The following PTPN5 variants were observed in gnomAD, a reference collection of about 807,000 sequenced individuals.
PTPN5 encodes the protein tyrosine-protein phosphatase non-receptor type 5.
A neutral mutation model predicts 73.9 loss-of-function variants in PTPN5; 29 were observed. The observed-to-expected ratio is 0.39, with a 90% CI of 0.29 to 0.54. PTPN5 has a LOEUF of 0.54. Among genes scored for constraint, PTPN5 ranks in the 20% least tolerant of loss-of-function variants. The pLI is 0.65. For synonymous variants in PTPN5, 267 were observed against 304.7 expected (o/e 0.88, Z 1.29); for missense variants, 652 against 751.4 (o/e 0.87, Z 1.55).
intron 3 of PTPN5, among the ~76,000 whole-genome samples, chr11:18,748,307 G>A (rs1000721784): frequency 3.3e-5 from 5 of 152,160 alleles, no homozygotes; most frequent in Non-Finnish European, 5.9e-5. Context: ...GCATATGAAA[G>A]ATAGGTTAAC....
rs749230961 is a variant in PTPN5 at position 18,729,075 on chromosome 11, CTGTG to C, written c.1605-52_1605-49del. 6.9e-5 allele frequency: 110 copies of C among 1,590,186 alleles called. 1 individual carries two copies. In the South Asian group the frequency reaches 1.1e-3, roughly 16 times the overall value. On this transcript the variant is annotated intron_variant, in intron 14 of 14. Coordinates refer to ENST00000358540, the MANE Select transcript of PTPN5 (RefSeq NM_006906.2). This position sits in a 1 kb window ranked among gnomAD's most constrained non-coding sequence, Gnocchi z 5.2. The stretch of plus-strand genomic sequence containing the variant: ...GGGGGCAGGGTCGTGGAGGGATGGG[CTGTG>C]GGAGGTGCCCCAAAAGCCATGGAGT...
intron 3 of PTPN5, among the ~76,000 whole-genome samples, chr11:18,756,917 C>G (rs1850170586): frequency 7.9e-6 from 1 of 127,138 alleles, no homozygotes; most frequent in South Asian, 2.4e-4. Flanking sequence ...GAGCAAGACT[C>G]CATCAAAAAA....
rs1348338236 is a variant in PTPN5, at chr11:18,733,835, A to AG, written c.1001-201dup. Among the ~76,000 whole-genome samples, 2 of 152,118 alleles carry AG rather than the reference A, an allele frequency of 1.3e-5. No homozygotes were observed. The highest frequency in any genetic ancestry group is 1.9e-4 in the East Asian group (1 of 5,194). The stretch of plus-strand genomic sequence containing the variant: ...AGGATGAGGAGGAGGGTGGAGAGAG[A>AG]GGGGGGTCCCCGGGTCTCTACCTCT... On this transcript the variant is annotated intron_variant, in intron 9 of 14. Coordinates refer to ENST00000358540, the MANE Select transcript of PTPN5 (RefSeq NM_006906.2). The surrounding 1 kb of genome is among the most constrained non-coding windows in gnomAD (Gnocchi z 4.3).
chr11:18,759,323 A>AT (rs748759417), intron 3 of PTPN5, among the ~76,000 whole-genome samples: 1 of 152,256 alleles, frequency 6.6e-6, no homozygotes, highest in Non-Finnish European at 1.5e-5. Flanking sequence ...AGATGTCATC[A>AT]TATTACTACC....
chr11:18,787,780 G>A (rs1851736042), intron 1 of PTPN5, among the ~76,000 whole-genome samples: 1 of 152,104 alleles, frequency 6.6e-6, no homozygotes, highest in Non-Finnish European at 1.5e-5. Flanking sequence ...CTCACCACCT[G>A]AACAATTTTA....
At chr11:18,769,591 C>T (rs1276904698) in intron 2 of PTPN5, among the ~76,000 whole-genome samples, 4 of 152,058 alleles carry the variant, frequency 2.6e-5, no homozygotes, top group Admixed American at 6.6e-5. Context: ...TTAGTAGATA[C>T]GAGGTTTCAC....
chr11:18,771,384 G>A (rs1850890284), intron 2 of PTPN5, among the ~76,000 whole-genome samples: 1 of 152,176 alleles, frequency 6.6e-6, no homozygotes, highest in Admixed American at 6.5e-5. Context: ...CTCAGGCGGT[G>A]CGTCTTCCAC....
At position 18,754,414 on chromosome 11, in the gene PTPN5, T is replaced by G. The variant is rs75165838; in HGVS notation, c.98-10215A>C. ...TGAATCTCCTTTCCTCCGAGCTGGTTCACCAACATGACCTCTGAGTCATGT... is the reference window on the plus strand; with the variant it reads ...TGAATCTCCTTTCCTCCGAGCTGGTGCACCAACATGACCTCTGAGTCATGT... On this transcript the variant is annotated intron_variant, in intron 3 of 14. Transcript: ENST00000358540. 1.2e-4 allele frequency among the ~76,000 whole-genome samples: 18 copies of G among 152,286 alleles called. 1 individual carries two copies. The East Asian group carries it at 3.5e-3, about 29-fold the overall frequency.
intron 3 of PTPN5, among the ~76,000 whole-genome samples, chr11:18,761,804 T>G (rs1030825244): frequency 2.6e-5 from 4 of 152,002 alleles, no homozygotes; most frequent in Admixed American, 2.0e-4. Flanking sequence ...CCAGGAAGCA[T>G]GCAGAGTGGA....
At chr11:18,771,754 G>A (rs892940911) in intron 2 of PTPN5, among the ~76,000 whole-genome samples, 185 bp downstream of exon 2, 1 of 152,184 alleles carries the variant, frequency 6.6e-6, no homozygotes, top group African/African-American at 2.4e-5. Flanking sequence ...GGCCCATAAT[G>A]CCATCCAGAT....
At chr11:18,761,563 A>C (rs1449064390) in intron 3 of PTPN5, among the ~76,000 whole-genome samples, 1 of 152,102 alleles carries the variant, frequency 6.6e-6, no homozygotes, top group Non-Finnish European at 1.5e-5. Flanking sequence ...GGAGAAGAAA[A>C]ATACATGTGT....
intron 2 of PTPN5, among the ~76,000 whole-genome samples, chr11:18,770,047 T>A (rs1161048301): frequency 6.6e-6 from 1 of 151,968 alleles, no homozygotes; most frequent in African/African-American, 2.4e-5. Context: ...TAACACGAAG[T>A]GGGGGAGCAG....
In PTPN5 at chr11:18,742,296, A is replaced by G. The variant is rs761763128; in HGVS notation, c.691T>C (p.Ser231Pro). 6.2e-7 allele frequency: 1 copy of G among 1,614,094 alleles called. No individual in the cohort carries two copies. Among genetic ancestry groups the G allele is most frequent in the Admixed American group, 1.7e-5 (1 of 60,020 alleles). ...AGACCCATGGACTTGACGGTGAGTG[A>G]GGTGGGGTCAGCCTCAGGCTTGATG... is the stretch of plus-strand genomic sequence containing the variant. ...MDIKPEADPT[S>P]LTVKSMGLQE... The change falls in exon 7 of 15, where the codon TCA (serine) becomes CCA (proline). Residue 231 changes from serine to proline, a missense_variant. Ser to Pro is a moderately conservative substitution (Grantham distance 74, BLOSUM62 -1). Transcript: ENST00000358540. This position sits in a 1 kb window ranked among gnomAD's most constrained non-coding sequence, Gnocchi z 4.1.
intron 3 of PTPN5, among the ~76,000 whole-genome samples, chr11:18,751,030 G>C (rs1372105381): frequency 6.6e-6 from 1 of 152,206 alleles, no homozygotes; most frequent in Non-Finnish European, 1.5e-5. Context: ...GAGGAACTGA[G>C]AAGGGCGGAG....
intron 9 of PTPN5, among the ~76,000 whole-genome samples, chr11:18,736,185 C>T (rs1187462445): frequency 6.6e-6 from 1 of 152,180 alleles, no homozygotes; most frequent in Non-Finnish European, 1.5e-5. Flanking sequence ...CCTATAATCC[C>T]AGCACTTTGG....
At chr11:18,740,867 G>T in intron 7 of PTPN5, 75 bp from the exon 8 acceptor site, 1 of 972,256 alleles carries the variant, frequency 1.0e-6, no homozygotes, top group Non-Finnish European at 1.4e-6. Flanking sequence ...CCAGGGCTGG[G>T]AAAATGAGGG....
In PTPN5 at chr11:18,733,742, G is replaced by T; in HGVS notation, c.1001-107C>A. ...CCACACTTCTTCTGCGACATTAGCA[G>T]TTCTTCCTTCCCTTGCCCAGCAGCA... is the stretch of plus-strand genomic sequence containing the variant. On this transcript the variant is annotated intron_variant, in intron 9 of 14. Coordinates refer to ENST00000358540, the MANE Select transcript of PTPN5 (RefSeq NM_006906.2). This position sits in a 1 kb window ranked among gnomAD's most constrained non-coding sequence, Gnocchi z 4.3. 1.0e-6 allele frequency: 1 copy of T among 974,534 alleles called. No individual in the cohort carries two copies. The allele number at this position is 974,534 out of a possible 1,614,324, so 60.4% of individuals were successfully genotyped here. A position where few individuals can be genotyped will look rare whatever the true frequency, so the allele number is the denominator to read the frequency against.
chr11:18,737,079 C>T (rs1849146172), intron 9 of PTPN5, among the ~76,000 whole-genome samples: 1 of 152,198 alleles, frequency 6.6e-6, no homozygotes, highest in African/African-American at 2.4e-5. Flanking sequence ...CTCGCTACTC[C>T]ACAAACTGAA....
rs534115850 is a variant in PTPN5, at chr11:18,760,782, G to A, written c.97+5025C>T. Among the ~76,000 whole-genome samples, 7 of 152,344 alleles carry A rather than the reference G, an allele frequency of 4.6e-5. No individual in the cohort carries two copies. The East Asian group carries it at 1.3e-3, about 29-fold the overall frequency. On this transcript the variant is annotated intron_variant, in intron 3 of 14. Coordinates refer to ENST00000358540, the MANE Select transcript of PTPN5 (RefSeq NM_006906.2). ...CCTGTGCCCCGTCTCTTCTGTCCAT[G>A]GCACTCCCCATGAGCAGAGAAGTCC...
Sources: gnomAD v4.1 joint callset for allele counts (sites outside exome capture counted in the v4.1 genomes callset) on GRCh38, gnomAD v4.1.1 for gene constraint, Gnocchi (gnomAD v3.1) non-coding constraint, MANE v1.5 for transcripts, NCBI Gene and HGNC (gene_info 2026-07-23, HGNC 2026-07-21) for gene names.